The following PTPRD variants were observed in gnomAD, a reference collection of about 807,000 sequenced individuals.
PTPRD encodes the protein protein tyrosine phosphatase receptor type D, also known as receptor-type tyrosine-protein phosphatase delta.
PTPRD carries 34 observed loss-of-function variants against 214.5 expected under a neutral mutation model. The ratio of observed to expected loss-of-function variants is 0.16; its 90% CI spans 0.12 to 0.21. The LOEUF is 0.21. Ranked by LOEUF, PTPRD falls within the 10% of genes least tolerant of loss-of-function variation. The pLI, the probability that PTPRD is intolerant of heterozygous loss-of-function variation, is 1.00. For missense variants in PTPRD, 2,545 were observed against 2,398.7 expected, an observed-to-expected ratio of 1.06 and a Z score of -1.27; for synonymous variants, 1,128 against 845.7, an observed-to-expected ratio of 1.33 and a Z score of -5.79.
chr9:8,436,144 A>G (rs1296964389), intron 35 of PTPRD, among the ~76,000 whole-genome samples: 1 of 152,216 alleles, frequency 6.6e-6, no homozygotes, highest in African/African-American at 2.4e-5. Flanking sequence ...GTGAAATCCA[A>G]AGAAGTCAAA....
intron 34 of PTPRD, among the ~76,000 whole-genome samples, chr9:8,443,111 C>G (rs902828347): frequency 2.0e-5 from 3 of 152,170 alleles, no homozygotes; most frequent in African/African-American, 7.2e-5. Context: ...TGCCACTGCA[C>G]TCGAGCCTGG....
chr9:8,829,619 G>C (rs993559291), intron 11 of PTPRD, among the ~76,000 whole-genome samples: 1 of 152,134 alleles, frequency 6.6e-6, no homozygotes, highest in East Asian at 1.9e-4. Context: ...TTGCACACAG[G>C]TTGTTGTCCA....
At chr9:10,210,525 GC>G (rs1302841084) in intron 3 of PTPRD, among the ~76,000 whole-genome samples, 1 of 151,614 alleles carries the variant, frequency 6.6e-6, no homozygotes, top group Non-Finnish European at 1.5e-5. Flanking sequence ...AGGAGGGGGG[GC>G]TTCTTGCACA....
rs2091886667 is a variant in PTPRD at position 8,399,093 on chromosome 9, AAG to A, written c.4210+5442_4210+5443del. 3.8e-4 allele frequency among the ~76,000 whole-genome samples: 2 copies of A among 5,300 alleles called. 1 individual carries two copies. Among genetic ancestry groups the A allele is most frequent in the Non-Finnish European group, 1.1e-3 (2 of 1,750 alleles). The allele number at this position is 5,300 out of a possible 152,430, so 3.5% of individuals were successfully genotyped here. On this transcript the variant is annotated intron_variant, in intron 36 of 45. Coordinates refer to ENST00000381196, the MANE Select transcript of PTPRD (RefSeq NM_002839.4). ...TAATCCTATTTAGAATAAGCCCACTAAGCTTTTTTTTTTTTTTTTTCCTTGAA... is the reference window on the plus strand; with the variant it reads ...TAATCCTATTTAGAATAAGCCCACTACTTTTTTTTTTTTTTTTTCCTTGAA...
At chr9:9,402,523 A>G (rs10739187) in intron 8 of PTPRD, among the ~76,000 whole-genome samples, 132,997 of 152,030 alleles carry the variant, frequency 0.87, 58,319 homozygotes, top group African/African-American at 0.9. Context: ...GACACTTAGG[A>G]TTTATAAATA....
rs1563892616 is a variant in PTPRD, at chr9:8,321,528, A to AT, written c.5535-1563_5535-1562insA. On this transcript the variant is annotated intron_variant, in intron 44 of 45. Coordinates refer to ENST00000381196, the MANE Select transcript of PTPRD (RefSeq NM_002839.4). ...ATATATATATATATATATATATATAAAAGGTATATGCATCGCAATTCCTTT... is the reference window on the plus strand; with the variant it reads ...ATATATATATATATATATATATATAATAAGGTATATGCATCGCAATTCCTTT... Among the ~76,000 whole-genome samples the AT allele has an allele frequency of 8.0e-4, 63 of 79,114 alleles. 1 individual carries two copies. The highest frequency in any genetic ancestry group is 2.2e-3 in the African/African-American group (56 of 25,714). The allele number at this position is 79,114 out of a possible 152,430, so 51.9% of individuals were successfully genotyped here. A position where few individuals can be genotyped will look rare whatever the true frequency, so the allele number is the denominator to read the frequency against.
chr9:8,844,166 C>A (rs909475263), intron 11 of PTPRD, among the ~76,000 whole-genome samples: 1 of 152,154 alleles, frequency 6.6e-6, no homozygotes, highest in African/African-American at 2.4e-5. Context: ...TCCCCTTTAT[C>A]TACATTATAC....
rs569357894 is a variant in PTPRD at position 8,704,758 on chromosome 9, C to CA, written c.64+29021dup. Among the ~76,000 whole-genome samples the CA allele has an allele frequency of 5.6e-3, 772 of 137,846 alleles. 5 individuals are homozygous for CA. The highest frequency in any genetic ancestry group is 0.018 in the South Asian group (76 of 4,294). 90.4% of individuals were successfully genotyped at this position (137,846 alleles called of 152,430 possible). A position where few individuals can be genotyped will look rare whatever the true frequency, so the allele number is the denominator to read the frequency against. The stretch of plus-strand genomic sequence containing the variant: ...TCTGGCCAAATCTCTACTAAAAATA[C>CA]AAAAAAAAAAAAATTAGCCGGGTGT... On this transcript the variant is annotated intron_variant, in intron 12 of 45. Coordinates refer to ENST00000381196, the MANE Select transcript of PTPRD (RefSeq NM_002839.4).
intron 12 of PTPRD, among the ~76,000 whole-genome samples, chr9:8,695,448 A>T (rs1565346607): frequency 6.6e-6 from 1 of 152,016 alleles, no homozygotes; most frequent in African/African-American, 2.4e-5. Flanking sequence ...GAGTAGATAA[A>T]ATCTGGGTCA....
intron 26 of PTPRD, among the ~76,000 whole-genome samples, chr9:8,493,207 A>C (rs1182174951): frequency 6.6e-6 from 1 of 152,184 alleles, no homozygotes; most frequent in East Asian, 1.9e-4. Context: ...TATTAGTCAA[A>C]GACATGAAAT....
intron 3 of PTPRD, among the ~76,000 whole-genome samples, chr9:10,333,332 A>G (rs1277070930): frequency 1.3e-5 from 2 of 151,818 alleles, no homozygotes; most frequent in Non-Finnish European, 2.9e-5. Flanking sequence ...TAGCTTGTTC[A>G]GCACTAGACA....
chr9:9,076,672 G>C (rs775877972), intron 10 of PTPRD, among the ~76,000 whole-genome samples: 1 of 151,884 alleles, frequency 6.6e-6, no homozygotes, highest in Non-Finnish European at 1.5e-5. Context: ...CTGTGTGAAT[G>C]TACATTTTCT....
At chr9:9,192,507 G>A (rs1048528387) in intron 9 of PTPRD, among the ~76,000 whole-genome samples, 3 of 152,044 alleles carry the variant, frequency 2.0e-5, no homozygotes, top group Non-Finnish European at 2.9e-5. Context: ...AATTTCTAAT[G>A]AATACTGCAT....
chr9:9,239,254 A>G (rs1176382556), intron 9 of PTPRD, among the ~76,000 whole-genome samples: 1 of 152,094 alleles, frequency 6.6e-6, no homozygotes, highest in African/African-American at 2.4e-5. Context: ...AACTAACTCA[A>G]AGGCTTTTGG....
At chr9:9,432,497 T>C (rs1480693730) in intron 8 of PTPRD, among the ~76,000 whole-genome samples, 1 of 152,192 alleles carries the variant, frequency 6.6e-6, no homozygotes, top group Non-Finnish European at 1.5e-5. Flanking sequence ...AGGGCAATAT[T>C]GATCCAACAA....
intron 4 of PTPRD, among the ~76,000 whole-genome samples, chr9:10,031,989 G>C (rs2097089919): frequency 6.6e-6 from 1 of 152,070 alleles, no homozygotes; most frequent in Admixed American, 6.6e-5. Context: ...ATTTAATGTA[G>C]GCTGCCTAGT....
At chr9:10,070,041 G>A (rs1194991841) in intron 3 of PTPRD, among the ~76,000 whole-genome samples, 1 of 151,940 alleles carries the variant, frequency 6.6e-6, no homozygotes, top group African/African-American at 2.4e-5. Flanking sequence ...CCAAATTTTT[G>A]GTGTGAAGCA....
At position 9,499,185 on chromosome 9, in the gene PTPRD, T is replaced by C. The variant is rs533567312; in HGVS notation, c.-237+75547A>G. On this transcript the variant is annotated intron_variant, in intron 8 of 45. Coordinates refer to ENST00000381196, the MANE Select transcript of PTPRD (RefSeq NM_002839.4). ...ATCACGACATTCAGATAGTAGAATA[T>C]ATATTTTTCATCATGTTGATAAAAA... 2.6e-5 allele frequency among the ~76,000 whole-genome samples: 4 copies of C among 152,278 alleles called. No individual in the cohort carries two copies. The South Asian group carries it at 6.2e-4, about 24-fold the overall frequency.
chr9:9,369,702 T>C (rs1180263507), intron 9 of PTPRD, among the ~76,000 whole-genome samples: 1 of 152,164 alleles, frequency 6.6e-6, no homozygotes, highest in Non-Finnish European at 1.5e-5. Flanking sequence ...ATGTCCTGAA[T>C]GGTATTGCCT....
Sources: allele counts gnomAD v4.1 joint callset (sites outside exome capture counted in the v4.1 genomes callset), GRCh38; gene constraint gnomAD v4.1.1; transcripts MANE v1.5; gene names NCBI Gene and HGNC (gene_info 2026-07-23, HGNC 2026-07-21).